CCSER2: variants seen among roughly 807,000 people sequenced by gnomAD.
CCSER2 encodes the protein serine-rich coiled-coil domain-containing protein 2.
Under a neutral mutation model 92.3 loss-of-function variants are expected in CCSER2, and 46 were observed. The observed-to-expected ratio is 0.50, with a 90% CI of 0.39 to 0.64. The LOEUF (loss-of-function observed/expected upper bound fraction) is 0.64. CCSER2 is among the 30% of genes least tolerant of loss of function. CCSER2 has a pLI of 0.00. For missense variants in CCSER2, 1,244 were observed against 1,238.9 expected, an observed-to-expected ratio of 1.00 and a Z score of -0.06; for synonymous variants, 433 against 431.4, an observed-to-expected ratio of 1.00 and a Z score of -0.04.
intron 5 of CCSER2, among the ~76,000 whole-genome samples, chr10:84,434,980 T>C (rs925624184): frequency 1.8e-4 from 27 of 152,202 alleles, no homozygotes; most frequent in African/African-American, 6.5e-4. Context: ...GGTTTCTTTA[T>C]GCTGTGAAAC....
At chr10:84,370,357 A>C (rs1283011854) in intron 1 of CCSER2, among the ~76,000 whole-genome samples, 1 of 152,066 alleles carries the variant, frequency 6.6e-6, no homozygotes, top group Non-Finnish European at 1.5e-5. Flanking sequence ...TCCTTGGTTA[A>C]GTATACCTAG....
intron 4 of CCSER2, among the ~76,000 whole-genome samples, chr10:84,421,821 G>C (rs1235654390): frequency 6.6e-6 from 1 of 152,138 alleles, no homozygotes; most frequent in Admixed American, 6.5e-5. Context: ...AAGACCTAGG[G>C]AAAACCCTGA....
chr10:84,366,887 G>A (rs1845803072), intron 1 of CCSER2, among the ~76,000 whole-genome samples: 1 of 152,152 alleles, frequency 6.6e-6, no homozygotes, highest in African/African-American at 2.4e-5. Flanking sequence ...ACAAATGTAG[G>A]AATCCTTGGT....
intron 3 of CCSER2, chr10:84,392,086 C>A: frequency 1.2e-6 from 1 of 838,756 alleles, no homozygotes; most frequent in South Asian, 1.4e-5. Context: ...AGGGGTCCTT[C>A]AGTCTTGGAG....
chr10:84,501,832 A>ATAT (rs1447622843), intron 9 of CCSER2, among the ~76,000 whole-genome samples: 3 of 31,038 alleles, frequency 9.7e-5, no homozygotes, highest in Non-Finnish European at 1.3e-4. Flanking sequence ...GAAAAAAAAA[A>ATAT]AAATATATAT....
Position 84,441,736 on chromosome 10 carries a change from G to GTTTTTTTTTTT in CCSER2, c.2064+3059_2064+3069dup, listed in dbSNP as rs869280119. On this transcript the variant is annotated intron_variant, in intron 6 of 9. Transcript: ENST00000372088. The stretch of plus-strand genomic sequence containing the variant: ...GAATAAAGTAGAAGACTGGGAAAAT[G>GTTTTTTTTTTT]TTTTTTTTTTTTTTTTTTTTTTTTT... 4.6e-4 allele frequency among the ~76,000 whole-genome samples: 20 copies of GTTTTTTTTTTT among 43,642 alleles called. 3 individuals are homozygous for GTTTTTTTTTTT. The highest frequency in any genetic ancestry group is 2.3e-3 in the East Asian group (2 of 866). 28.6% of individuals were successfully genotyped at this position (43,642 alleles called of 152,430 possible).
intron 9 of CCSER2, among the ~76,000 whole-genome samples, chr10:84,491,150 A>C (rs191901187): frequency 3.3e-5 from 5 of 152,248 alleles, no homozygotes; most frequent in Admixed American, 6.5e-5. Flanking sequence ...GTCTGCCCCT[A>C]CTGGGGGGTG....
At chr10:84,498,635 TATC>T (rs1237867368) in intron 9 of CCSER2, among the ~76,000 whole-genome samples, 1 of 152,204 alleles carries the variant, frequency 6.6e-6, no homozygotes, top group Non-Finnish European at 1.5e-5. Flanking sequence ...GTTAAACTAT[TATC>T]GTAATTTTTA....
At chr10:84,338,232 C>T (rs1454187444) in intron 1 of CCSER2, among the ~76,000 whole-genome samples, 2 of 150,396 alleles carry the variant, frequency 1.3e-5, no homozygotes, top group African/African-American at 2.4e-5. Context: ...TGCAGTGAGC[C>T]GAGATCACGT....
intron 6 of CCSER2, among the ~76,000 whole-genome samples, chr10:84,461,950 G>A (rs1488177287): frequency 6.6e-6 from 1 of 152,130 alleles, no homozygotes; most frequent in Non-Finnish European, 1.5e-5. Flanking sequence ...CAAACAATGT[G>A]GTTGAGTTTA....
At chr10:84,464,119 G>A (rs1846257409) in intron 7 of CCSER2, 103 bp downstream of exon 7, 2 of 587,242 alleles carry the variant, frequency 3.4e-6, no homozygotes, top group Admixed American at 6.3e-5. Context: ...AATACCTAAA[G>A]CATCAGGTTT....
chr10:84,499,907 G>A, intron 9 of CCSER2: 1 of 1,613,666 alleles, frequency 6.2e-7, no homozygotes. Context: ...TCTCTCCTTG[G>A]CAGGGCTCCT....
chr10:84,425,142 T>C, intron 4 of CCSER2: 1 of 984,684 alleles, frequency 1.0e-6, no homozygotes, highest in Non-Finnish European at 1.2e-6. Context: ...TGCTGCAAAC[T>C]ACTGGCTTTG....
At chr10:84,409,543 AC>A (rs1842542796) in intron 3 of CCSER2, among the ~76,000 whole-genome samples, 1 of 151,640 alleles carries the variant, frequency 6.6e-6, no homozygotes. Context: ...TTAATTCTGT[AC>A]ATGCTGTTTT....
At chr10:84,462,661 A>G (rs1161884123) in intron 6 of CCSER2, among the ~76,000 whole-genome samples, 1 of 152,210 alleles carries the variant, frequency 6.6e-6, no homozygotes, top group African/African-American at 2.4e-5. Context: ...ACACCACCAT[A>G]GAAAAGTAAT....
chr10:84,389,100 A>G (rs1841380893), intron 3 of CCSER2: 1 of 237,542 alleles, frequency 4.2e-6, no homozygotes, highest in East Asian at 1.4e-4. Context: ...CTGACCAATA[A>G]TAACTTTTTT....
intron 3 of CCSER2, among the ~76,000 whole-genome samples, chr10:84,378,914 G>T: frequency 6.6e-6 from 1 of 152,098 alleles, no homozygotes; most frequent in Non-Finnish European, 1.5e-5. Flanking sequence ...TCATGAGTAA[G>T]ATTGTTCTAC....
chr10:84,352,866 C>T (rs1844941506), intron 1 of CCSER2, among the ~76,000 whole-genome samples: 1 of 152,048 alleles, frequency 6.6e-6, no homozygotes, highest in Non-Finnish European at 1.5e-5. Flanking sequence ...TCTTGGCTCA[C>T]TGCAACCTCC....
intron 3 of CCSER2, among the ~76,000 whole-genome samples, chr10:84,400,958 A>C (rs1842087828): frequency 6.6e-6 from 1 of 152,102 alleles, no homozygotes; most frequent in African/African-American, 2.4e-5. Flanking sequence ...GCCATGTCTC[A>C]CACCTGTAAT....
Sources: gnomAD v4.1 joint callset for allele counts (sites outside exome capture counted in the v4.1 genomes callset) on GRCh38, gnomAD v4.1.1 for gene constraint, MANE v1.5 for transcripts, NCBI Gene and HGNC (gene_info 2026-07-23, HGNC 2026-07-21) for gene names.